NEGR1: variants seen among roughly 807,000 people sequenced by gnomAD.
The protein encoded by NEGR1 is IgLON family member 4.
In NEGR1, 10 loss-of-function variants were observed where a neutral mutation model predicts 40.9. The ratio of observed to expected loss-of-function variants is 0.24; its 90% CI spans 0.15 to 0.42. The LOEUF is 0.42. NEGR1 is among the 10% of genes least tolerant of loss of function. The probability of loss-of-function intolerance (pLI) is 1.00; values close to 1 mark genes in which losing one functional copy is unlikely to be tolerated. For synonymous variants in NEGR1, 185 were observed against 166.8 expected, an observed-to-expected ratio of 1.11 and a Z score of -0.84; for missense variants, 352 against 438.9, an observed-to-expected ratio of 0.80 and a Z score of 1.77.
chr1:71,465,885 T>C (rs1324122341), intron 6 of NEGR1, among the ~76,000 whole-genome samples: 4 of 152,056 alleles, frequency 2.6e-5, no homozygotes, highest in Admixed American at 2.6e-4. Flanking sequence ...ATATGACAAA[T>C]AATAAGTCCT....
intron 4 of NEGR1, among the ~76,000 whole-genome samples, chr1:71,695,119 C>G (rs1293110419): frequency 6.6e-6 from 1 of 151,716 alleles, no homozygotes; most frequent in Non-Finnish European, 1.5e-5. Flanking sequence ...GCCAAGTTCA[C>G]AAAATTAACA....
At chr1:71,840,256 A>G (rs1336206463) in intron 2 of NEGR1, among the ~76,000 whole-genome samples, 2 of 152,138 alleles carry the variant, frequency 1.3e-5, no homozygotes, top group African/African-American at 4.8e-5. Flanking sequence ...AACAGCTGCA[A>G]ATATGCTTAG....
At chr1:71,695,797 T>C (rs1402022160) in intron 4 of NEGR1, among the ~76,000 whole-genome samples, 1 of 151,830 alleles carries the variant, frequency 6.6e-6, no homozygotes. Flanking sequence ...GTTCTCCCTA[T>C]GGAGTAAAGG....
chr1:71,979,906 A>G (rs1646339819), intron 1 of NEGR1, among the ~76,000 whole-genome samples: 1 of 152,204 alleles, frequency 6.6e-6, no homozygotes, highest in South Asian at 2.1e-4. Context: ...AATTATATCA[A>G]AGACTCTAAT....
chr1:71,906,438 A>T (rs1661278750), intron 2 of NEGR1, among the ~76,000 whole-genome samples: 1 of 151,500 alleles, frequency 6.6e-6, no homozygotes, highest in Non-Finnish European at 1.5e-5. Flanking sequence ...ATAAAAATAT[A>T]TAAAGATGAG....
intron 6 of NEGR1, among the ~76,000 whole-genome samples, chr1:71,424,729 G>T (rs1646418757): frequency 6.6e-6 from 1 of 152,164 alleles, no homozygotes; most frequent in Non-Finnish European, 1.5e-5. Flanking sequence ...AAATGCAGGT[G>T]ACTTTCAGAA....
At chr1:71,863,299 G>A (rs1225456838) in intron 2 of NEGR1, among the ~76,000 whole-genome samples, 2 of 152,144 alleles carry the variant, frequency 1.3e-5, no homozygotes, top group Non-Finnish European at 1.5e-5. Flanking sequence ...TCCTCTGCAG[G>A]GACATGGATG....
intron 6 of NEGR1, among the ~76,000 whole-genome samples, chr1:71,443,918 T>C (rs1281819386): frequency 1.3e-5 from 2 of 152,220 alleles, no homozygotes; most frequent in African/African-American, 4.8e-5. Flanking sequence ...AAGTGAGAAG[T>C]TAATTTCCAT....
At chr1:71,715,238 C>T (rs1403516094) in intron 3 of NEGR1, among the ~76,000 whole-genome samples, 1 of 152,164 alleles carries the variant, frequency 6.6e-6, no homozygotes, top group Non-Finnish European at 1.5e-5. Flanking sequence ...CTGCACATGA[C>T]AGCAAGGCCC....
intron 4 of NEGR1, among the ~76,000 whole-genome samples, chr1:71,661,954 A>T (rs1270789968): frequency 6.6e-6 from 1 of 152,186 alleles, no homozygotes; most frequent in Non-Finnish European, 1.5e-5. Context: ...TAGAACAAGG[A>T]TAAGGGTAGT....
At chr1:71,630,624 A>AT (rs1650942514) in intron 4 of NEGR1, among the ~76,000 whole-genome samples, 1 of 151,570 alleles carries the variant, frequency 6.6e-6, no homozygotes, top group African/African-American at 2.4e-5. Context: ...GTATCAAATA[A>AT]TTTTTTATGT....
chr1:71,994,770 C>T (rs1034981141), intron 1 of NEGR1, among the ~76,000 whole-genome samples: 6 of 152,052 alleles, frequency 3.9e-5, no homozygotes, highest in South Asian at 2.1e-4. Context: ...TTTCAGTGTT[C>T]GAGACCTAGA....
chr1:71,532,403 C>A (rs1282517555), intron 6 of NEGR1, among the ~76,000 whole-genome samples: 1 of 151,564 alleles, frequency 6.6e-6, no homozygotes, highest in East Asian at 1.9e-4. Context: ...AAATCTCCTA[C>A]TATAATATTG....
chr1:72,016,645 C>T lies in NEGR1; in HGVS notation c.177-81334G>A, dbSNP rs911256303. Among the ~76,000 whole-genome samples the T allele has an allele frequency of 7.2e-5, 11 of 152,122 alleles. No individual in the cohort carries two copies. In the East Asian group the frequency reaches 2.1e-3, roughly 29 times the overall value. Reference sequence around the variant, plus strand: ...CTTTCACGTATGGGAAAAACACAAACTTGGAAGACTAAAAGATGCACAGCA... The same window carrying T: ...CTTTCACGTATGGGAAAAACACAAATTTGGAAGACTAAAAGATGCACAGCA... On this transcript the variant is annotated intron_variant, in intron 1 of 6. Transcript: ENST00000357731.
At chr1:71,558,350 T>C (rs772610313) in intron 6 of NEGR1, among the ~76,000 whole-genome samples, 1 of 151,580 alleles carries the variant, frequency 6.6e-6, no homozygotes, top group Non-Finnish European at 1.5e-5. Context: ...TATACTGATA[T>C]CCTATTTCTC....
At chr1:71,701,650 A>C (rs1653697728) in intron 3 of NEGR1, among the ~76,000 whole-genome samples, 1 of 151,972 alleles carries the variant, frequency 6.6e-6, no homozygotes, top group Admixed American at 6.6e-5. Context: ...TATATTCCAC[A>C]GACTAGGGCA....
At chr1:71,781,555 G>A (rs909574732) in intron 2 of NEGR1, among the ~76,000 whole-genome samples, 3 of 152,154 alleles carry the variant, frequency 2.0e-5, no homozygotes, top group Admixed American at 2.0e-4. Flanking sequence ...TAGGATGCCA[G>A]GGCTAAAAGG....
chr1:72,170,062 C>T (rs1280990091), intron 1 of NEGR1, among the ~76,000 whole-genome samples: 3 of 152,014 alleles, frequency 2.0e-5, no homozygotes, highest in Non-Finnish European at 4.4e-5. Context: ...AAAATGTGTA[C>T]CTCTTTAAAA....
intron 1 of NEGR1, among the ~76,000 whole-genome samples, chr1:72,126,217 T>C (rs1217303125): frequency 6.6e-6 from 1 of 151,914 alleles, no homozygotes; most frequent in African/African-American, 2.4e-5. Flanking sequence ...TGGCAATTTT[T>C]CTATTACTAT....
Sources: gnomAD v4.1 joint callset for allele counts (sites outside exome capture counted in the v4.1 genomes callset) on GRCh38, gnomAD v4.1.1 for gene constraint, MANE v1.5 for transcripts, NCBI Gene and HGNC (gene_info 2026-07-23, HGNC 2026-07-21) for gene names.